CRISPLD2: variants seen among roughly 807,000 people sequenced by gnomAD.
CRISPLD2 encodes cysteine-rich secretory protein LCCL domain-containing 2.
A neutral mutation model predicts 71.1 loss-of-function variants in CRISPLD2; 47 were observed. The observed-to-expected ratio is 0.66, with a 90% CI of 0.52 to 0.84. The LOEUF (loss-of-function observed/expected upper bound fraction) is 0.84. Ranked by LOEUF, CRISPLD2 falls within the 40% of genes least tolerant of loss-of-function variation. The probability of loss-of-function intolerance (pLI) is 0.00; values close to 1 mark genes in which losing one functional copy is unlikely to be tolerated. For missense variants in CRISPLD2, 830 were observed against 651.1 expected, an observed-to-expected ratio of 1.27 and a Z score of -2.99; for synonymous variants, 317 against 250.1, an observed-to-expected ratio of 1.27 and a Z score of -2.52.
chr16:84,842,316 C>T (rs1315435697), intron 2 of CRISPLD2: 1 of 146,678 alleles, frequency 6.8e-6, no homozygotes, highest in African/African-American at 2.5e-5. Context: ...GCCTGCCCGC[C>T]CTCCGTCCCT....
intron 2 of CRISPLD2, chr16:84,839,904 G>GTGGAGT (rs1011943980): frequency 1.3e-5 from 2 of 152,386 alleles, no homozygotes; most frequent in African/African-American, 4.8e-5. Context: ...GGAGGTGGAG[G>GTGGAGT]TGGGGGGTGG....
rs902843793 is a variant in CRISPLD2, at chr16:84,907,050, G to A, written c.*408G>A. On this transcript the variant is annotated 3_prime_UTR_variant, in exon 15 of 15. Transcript: ENST00000262424. The stretch of plus-strand genomic sequence containing the variant: ...CTCACAATTGTGAAGCATTCACGGC[G>A]TCGGAAGAGGCCTTTTGAGCAAGCG... 1.5e-4 allele frequency: 32 copies of A among 215,554 alleles called. No individual in the cohort carries two copies. The highest frequency in any genetic ancestry group is 6.4e-4 in the African/African-American group (27 of 42,484). 13.4% of individuals were successfully genotyped at this position (215,554 alleles called of 1,614,324 possible).
intron 1 of CRISPLD2, among the ~76,000 whole-genome samples, chr16:84,832,148 T>G (rs780317601): frequency 3.3e-5 from 5 of 152,282 alleles, no homozygotes; most frequent in Non-Finnish European, 7.3e-5. Context: ...CTAAAATCCC[T>G]TCAAACGATG....
chr16:84,879,395 T>C (rs1379767192), intron 12 of CRISPLD2, among the ~76,000 whole-genome samples: 1 of 148,276 alleles, frequency 6.7e-6, no homozygotes, highest in Non-Finnish European at 1.5e-5. Context: ...TGAGCTTCGC[T>C]CTTGTTGCCC....
chr16:84,879,356 C>G (rs1398172435), intron 12 of CRISPLD2, among the ~76,000 whole-genome samples: 1 of 122,532 alleles, frequency 8.2e-6, no homozygotes, highest in Non-Finnish European at 1.6e-5. Context: ...AGACTCTTTC[C>G]AATTCTTTTT....
At chr16:84,896,785 T>C (rs140346309) in intron 14 of CRISPLD2, among the ~76,000 whole-genome samples, 53 of 152,304 alleles carry the variant, frequency 3.5e-4, no homozygotes, top group African/African-American at 1.2e-3. Context: ...ATAGAGACAG[T>C]TATATACATA....
chr16:84,853,222 C>T (rs1306141354), intron 5 of CRISPLD2, among the ~76,000 whole-genome samples: 1 of 152,154 alleles, frequency 6.6e-6, no homozygotes, highest in East Asian at 1.9e-4. Flanking sequence ...TTGGCAGGGG[C>T]AGTGGGACGT....
intron 12 of CRISPLD2, among the ~76,000 whole-genome samples, chr16:84,877,893 A>G (rs1007715973): frequency 4.0e-5 from 6 of 151,268 alleles, no homozygotes; most frequent in Non-Finnish European, 8.8e-5. Context: ...ATTGAGGTAA[A>G]TGATACGATC....
chr16:84,837,972 A>T (rs2143172243), intron 1 of CRISPLD2, among the ~76,000 whole-genome samples: 1 of 152,282 alleles, frequency 6.6e-6, no homozygotes, highest in Admixed American at 6.5e-5. Context: ...TGGTAAACTG[A>T]GTCTGACTTC....
intron 14 of CRISPLD2, among the ~76,000 whole-genome samples, chr16:84,892,821 C>T (rs1447443754): frequency 6.6e-6 from 1 of 151,634 alleles, no homozygotes; most frequent in East Asian, 1.9e-4. Context: ...ACTAAAAATA[C>T]AGAAATTAGC....
At position 84,848,421 on chromosome 16, in the gene CRISPLD2, C is replaced by T. The variant is rs113626769; in HGVS notation, c.360-964C>T. ...TTTATACTTGCTGGTGACAGTGTGA[C>T]TGTGGACTTGCCTCCAGTTTGGTTT... On this transcript the variant is annotated intron_variant, in intron 3 of 14. Transcript: ENST00000262424. Among the ~76,000 whole-genome samples the T allele has an allele frequency of 4.1e-3, 623 of 151,294 alleles. 3 individuals are homozygous for T. Among genetic ancestry groups the T allele is most frequent in the African/African-American group, 0.013 (531 of 41,166 alleles).
chr16:84,825,288 C>T (rs575203403), intron 1 of CRISPLD2, among the ~76,000 whole-genome samples: 44 of 152,172 alleles, frequency 2.9e-4, no homozygotes, highest in Non-Finnish European at 5.7e-4. Context: ...AGCAGCCAGG[C>T]GCCGTGGCTC....
chr16:84,848,832 T>G (rs1423926627), intron 3 of CRISPLD2, among the ~76,000 whole-genome samples: 1 of 152,000 alleles, frequency 6.6e-6, no homozygotes, highest in Non-Finnish European at 1.5e-5. Context: ...TTCTCCAACG[T>G]ACCTGAAAAT....
chr16:84,845,779 C>T lies in CRISPLD2; in HGVS notation c.241-7C>T. ...CCTCCTGGTGCCCGTTTCTCCTTCT[C>T]CTGCAGACCTGGGATGACGAACTGG... On this transcript the variant is annotated splice_region_variant and splice_polypyrimidine_tract_variant and intron_variant, in intron 2 of 14. Transcript: ENST00000262424. 6.2e-7 allele frequency: 1 copy of T among 1,603,704 alleles called. No individual in the cohort carries two copies.
At chr16:84,828,725 A>T (rs1916415420) in intron 1 of CRISPLD2, among the ~76,000 whole-genome samples, 1 of 152,124 alleles carries the variant, frequency 6.6e-6, no homozygotes, top group African/African-American at 2.4e-5. Flanking sequence ...CTTGCATCGA[A>T]TGCACCTGCT....
intron 14 of CRISPLD2, among the ~76,000 whole-genome samples, chr16:84,899,602 G>T (rs1007937781): frequency 6.6e-6 from 1 of 152,174 alleles, no homozygotes; most frequent in African/African-American, 2.4e-5. Context: ...CAGTTGCACG[G>T]TGGCATCCTG....
chr16:84,861,565 G>A (rs762556118), intron 6 of CRISPLD2, among the ~76,000 whole-genome samples: 2 of 151,966 alleles, frequency 1.3e-5, no homozygotes, highest in Non-Finnish European at 2.9e-5. Flanking sequence ...AGCTGCTATG[G>A]CAGCTGATTA....
At chr16:84,828,320 A>G (rs1438191188) in intron 1 of CRISPLD2, 1 of 152,208 alleles carries the variant, frequency 6.6e-6, no homozygotes, top group African/African-American at 2.4e-5. Context: ...TGGGCCCTTT[A>G]TAAACATGAT....
At chr16:84,868,548 TTCTC>T (rs1463213992) in intron 7 of CRISPLD2, among the ~76,000 whole-genome samples, 1 of 152,132 alleles carries the variant, frequency 6.6e-6, no homozygotes, top group Non-Finnish European at 1.5e-5. Context: ...AGAGTTCACT[TTCTC>T]TCTCAAGGTT....
Sources: allele counts gnomAD v4.1 joint callset (sites outside exome capture counted in the v4.1 genomes callset), GRCh38; gene constraint gnomAD v4.1.1; transcripts MANE v1.5; gene names NCBI Gene and HGNC (gene_info 2026-07-23, HGNC 2026-07-21).